CFD: variants seen among roughly 807,000 people sequenced by gnomAD.
CFD encodes the protein complement factor D, also known as C3 convertase activator.
In CFD, 24 loss-of-function variants were observed where a neutral mutation model predicts 21.1. The ratio of observed to expected loss-of-function variants is 1.14; its 90% CI spans 0.82 to 1.60. CFD has a LOEUF of 1.60. Among genes scored for constraint, CFD ranks in the 40% most tolerant of loss-of-function variants. The probability of loss-of-function intolerance (pLI) is 0.00; values close to 1 mark genes in which losing one functional copy is unlikely to be tolerated. For synonymous variants in CFD, 242 were observed against 175.9 expected, an observed-to-expected ratio of 1.38 and a Z score of -2.97; for missense variants, 535 against 383.3, an observed-to-expected ratio of 1.40 and a Z score of -3.31.
intron 3 of CFD, among the ~76,000 whole-genome samples, 187 bp from the exon 4 acceptor site, chr19:861,512 G>C (rs1393216032): frequency 1.4e-5 from 2 of 138,252 alleles, no homozygotes; most frequent in Admixed American, 1.5e-4. Flanking sequence ...GCACTGGTGA[G>C]CCTCGCACCC....
Position 863,541 on chromosome 19 carries a change from G to T in CFD, c.*303G>T. 2.2e-6 allele frequency: 1 copy of T among 450,072 alleles called. No individual in the cohort carries two copies. Among genetic ancestry groups the T allele is most frequent in the South Asian group, 2.3e-5 (1 of 43,740 alleles). The allele number at this position is 450,072 out of a possible 1,614,324, so 27.9% of individuals were successfully genotyped here. On this transcript the variant is annotated 3_prime_UTR_variant, in exon 5 of 5. Transcript: ENST00000327726. ...GACTTGAACGCAGGAGGCTGAGGCT[G>T]CAGTGAGTTGTGATTGCACCACTGC...
chr19:861,628 C>T (rs2035795158), intron 3 of CFD, 71 bp from the exon 4 acceptor site: 2 of 1,531,752 alleles, frequency 1.3e-6, no homozygotes, highest in Non-Finnish European at 1.8e-6. Context: ...TCCCGTCTCC[C>T]CGAGCCTAGC....
At position 863,528 on chromosome 19, in the gene CFD, G is replaced by C; in HGVS notation, c.*290G>C. 2.1e-6 allele frequency: 1 copy of C among 482,784 alleles called. No homozygotes were observed. Among genetic ancestry groups the C allele is most frequent in the South Asian group, 2.2e-5 (1 of 46,396 alleles). 29.9% of individuals were successfully genotyped at this position (482,784 alleles called of 1,614,324 possible). On this transcript the variant is annotated 3_prime_UTR_variant, in exon 5 of 5. Transcript: ENST00000327726. Reference sequence around the variant, plus strand: ...GAGGTGGGAGGATGACTTGAACGCAGGAGGCTGAGGCTGCAGTGAGTTGTG... The same window carrying C: ...GAGGTGGGAGGATGACTTGAACGCACGAGGCTGAGGCTGCAGTGAGTTGTG...
intron 4 of CFD, 32 bp downstream of exon 4, chr19:861,988 G>C: frequency 6.6e-7 from 1 of 1,517,948 alleles, no homozygotes; most frequent in Non-Finnish European, 8.8e-7. Flanking sequence ...GAGACGCGGG[G>C]CCTGCAGGCC....
chr19:863,212 G>A lies in CFD; in HGVS notation c.736G>A (p.Ala246Thr). ...CTACACCCGCGTGGCGAGCTATGCG[G>A]CCTGGATCGACAGCGTCCTGGCCTA... ...GIYTRVASYA[A>T]WIDSVLA The change falls in exon 5 of 5, where the codon GCC (alanine) becomes ACC (threonine). Residue 246 changes from alanine (A) to threonine (T), a missense_variant. Ala to Thr is a moderately conservative substitution (Grantham distance 58). Transcript: ENST00000327726. 1 of 1,543,614 alleles carries A rather than the reference G, an allele frequency of 6.5e-7. No homozygotes were observed. Among genetic ancestry groups the A allele is most frequent in the Non-Finnish European group, 8.7e-7 (1 of 1,150,746 alleles).
At chr19:860,392 G>C (rs1389571255) in intron 1 of CFD, among the ~76,000 whole-genome samples, 1 of 151,314 alleles carries the variant, frequency 6.6e-6, no homozygotes, top group African/African-American at 2.4e-5. Flanking sequence ...TCACCATATT[G>C]GCCAGGCTGG....
chr19:861,815 C>CG lies in CFD; in HGVS notation c.475dup (p.Ala159GlyfsTer49). 1 of 1,602,702 alleles carries CG rather than the reference C, an allele frequency of 6.2e-7. No homozygotes were observed. Among genetic ancestry groups the CG allele is most frequent in the Non-Finnish European group, 8.5e-7 (1 of 1,179,072 alleles). On this transcript the variant is annotated frameshift_variant, in exon 4 of 5. Transcript: ENST00000327726. LOFTEE classifies it high-confidence loss of function. ...TGGCCGGCTGGGGCATAGTCAACCA[C>CG]GCGGGCCGCCGCCCGGACAGCCTGC...
In CFD at chr19:861,954, A is replaced by G. The variant is rs1174917831; in HGVS notation, c.613A>G (p.Lys205Glu). The change falls in exon 4 of 5, where the codon AAG becomes GAG. Residue 205 changes from lysine to glutamate, a missense_variant and splice_region_variant. Lys to Glu is a moderately conservative substitution (Grantham distance 56, BLOSUM62 1). Transcript: ENST00000327726. The stretch of plus-strand genomic sequence containing the variant: ...GGAGAGCAATCGCCGGGACAGCTGC[A>G]AGGTGAGCCTTCAGGCCTGGGAGGA... ...CAESNRRDSCKGDSGGPLVCG... is the reference protein window; with the variant it reads ...CAESNRRDSCEGDSGGPLVCG... 8 of 1,545,052 alleles carry G rather than the reference A, an allele frequency of 5.2e-6. No individual in the cohort carries two copies. Among genetic ancestry groups the G allele is most frequent in the South Asian group, 1.2e-5 (1 of 85,090 alleles).
chr19:860,496 G>T, intron 1 of CFD, 121 bp from the exon 2 acceptor site: 1 of 779,404 alleles, frequency 1.3e-6, no homozygotes, highest in Non-Finnish European at 1.6e-6. Flanking sequence ...GTGAGCCACC[G>T]CGCCCAGAGA....
In CFD at chr19:860,963, C is replaced by G. The variant is rs759955297; in HGVS notation, c.315C>G (p.Asp105Glu). Residue 105 changes from aspartate to glutamate, a missense_variant, in exon 3 of 5, where the codon GAC becomes GAG. By Grantham distance (45) the Asp-to-Glu change is conservative. Coordinates refer to ENST00000327726, the MANE Select transcript of CFD (RefSeq NM_001928.4). Reference sequence around the variant, plus strand: ...TGCTCCGCGCAGTGCCCCACCCGGACAGCCAGCCCGACACCATCGACCACG... The same window carrying G: ...TGCTCCGCGCAGTGCCCCACCCGGAGAGCCAGCCCGACACCATCGACCACG... ...YDVLRAVPHP[D>E]SQPDTIDHDL... 6 of 1,600,342 alleles carry G rather than the reference C, an allele frequency of 3.7e-6. No homozygotes were observed. Among genetic ancestry groups the G allele is most frequent in the Non-Finnish European group, 5.1e-6 (6 of 1,179,574 alleles).
At position 860,641 on chromosome 19, in the gene CFD, T is replaced by C; in HGVS notation, c.80T>C (p.Leu27Pro). Residue 27 changes from leucine (L) to proline (P), a missense_variant, in exon 2 of 5, where the codon CTG becomes CCG. Leu to Pro is a moderately conservative substitution (Grantham distance 98). Coordinates refer to ENST00000327726, the MANE Select transcript of CFD (RefSeq NM_001928.4). ...ACAAPPRGRI[L>P]GGREAEAHAR... ...GCGGCGCCGCCCCGTGGTCGGATCC[T>C]GGGCGGCAGAGAGGCCGAGGCGCAC... 6.7e-7 allele frequency: 1 copy of C among 1,483,222 alleles called. No individual in the cohort carries two copies. The highest frequency in any genetic ancestry group is 8.9e-7 in the Non-Finnish European group (1 of 1,124,742). The allele number at this position is 1,483,222 out of a possible 1,614,324, so 91.9% of individuals were successfully genotyped here. A position where few individuals can be genotyped will look rare whatever the true frequency, so the allele number is the denominator to read the frequency against.
Position 861,866 on chromosome 19 carries a change from C to T in CFD, c.525C>T (p.Asp175=). Residue 175 remains aspartate (D), a synonymous_variant, in exon 4 of 5, where the codon GAC becomes GAT. Coordinates refer to ENST00000327726, the MANE Select transcript of CFD (RefSeq NM_001928.4). Reference sequence around the variant, plus strand: ...AGCACGTGCTCTTGCCAGTGCTGGACCGCGCCACCTGCAACCGGCGCACGC... The same window carrying T: ...AGCACGTGCTCTTGCCAGTGCTGGATCGCGCCACCTGCAACCGGCGCACGC... ...SLQHVLLPVL[D]RATCNRRTHH... The T allele has an allele frequency of 6.3e-7, 1 of 1,595,492 alleles. No homozygotes were observed. Among genetic ancestry groups the T allele is most frequent in the Non-Finnish European group, 8.5e-7 (1 of 1,176,886 alleles).
At chr19:860,190 T>A (rs896298957) in intron 1 of CFD, among the ~76,000 whole-genome samples, 5 of 150,166 alleles carry the variant, frequency 3.3e-5, no homozygotes, top group African/African-American at 5.0e-5. Context: ...GATTCTTTTT[T>A]TTCTTTCTTT....
At chr19:862,653 C>G (rs1170845722) in intron 4 of CFD, among the ~76,000 whole-genome samples, 2 of 145,828 alleles carry the variant, frequency 1.4e-5, no homozygotes, top group Non-Finnish European at 3.0e-5. Flanking sequence ...TGCATGGTAG[C>G]CGGGGCCAAG....
rs370100594 is a variant in CFD, at chr19:859,681, G to C, written c.-9G>C. 3 of 1,563,150 alleles carry C rather than the reference G, an allele frequency of 1.9e-6. No homozygotes were observed. The highest frequency in any genetic ancestry group is 1.4e-5 in the African/African-American group (1 of 73,788). On this transcript the variant is annotated 5_prime_UTR_variant, in exon 1 of 5. Coordinates refer to ENST00000327726, the MANE Select transcript of CFD (RefSeq NM_001928.4). ...CCTGGGTCAGTGTCTCAGCCACAGC[G>C]GCTTCACCATGCACAGCTGGGAGCG...
rs1629038 is a variant in CFD at position 860,852 on chromosome 19, G to C, written c.213-9G>C. 876,139 of 1,563,062 alleles carry C rather than the reference G, an allele frequency of 0.56. 250,097 individuals are homozygous for C. The highest frequency in any genetic ancestry group is 0.58 in the Non-Finnish European group (678,345 of 1,160,822). ...CTGGCACCGACCGCGGACTCCGTCC[G>C]GTCCCCAGGGCCGACGGGAAGGTGC... On this transcript the variant is annotated splice_polypyrimidine_tract_variant and intron_variant, in intron 2 of 4. Coordinates refer to ENST00000327726, the MANE Select transcript of CFD (RefSeq NM_001928.4).
chr19:862,077 G>A (rs1265981131), intron 4 of CFD, 121 bp downstream of exon 4: 24 of 1,391,792 alleles, frequency 1.7e-5, no homozygotes, highest in Non-Finnish European at 2.2e-5. Flanking sequence ...GGCGCGTAGG[G>A]GGCGGGAACT....
chr19:861,664 C>A, intron 3 of CFD, 35 bp from the exon 4 acceptor site: 1 of 1,574,822 alleles, frequency 6.3e-7, no homozygotes. Context: ...CTCGCACCCC[C>A]GCACCCCAAC....
intron 4 of CFD, among the ~76,000 whole-genome samples, chr19:862,853 T>G (rs1599303241): frequency 1.8e-5 from 2 of 111,244 alleles, no homozygotes; most frequent in African/African-American, 3.5e-5. Flanking sequence ...GAACACGTGG[T>G]GAGGTTGAGG....
Sources: gnomAD v4.1 joint callset for allele counts (sites outside exome capture counted in the v4.1 genomes callset) on GRCh38, gnomAD v4.1.1 for gene constraint, MANE v1.5 for transcripts, NCBI Gene and HGNC (gene_info 2026-07-23, HGNC 2026-07-21) for gene names.